ETS1: variants seen among roughly 807,000 people sequenced by gnomAD.
The protein encoded by ETS1 is protein C-ets-1.
A neutral mutation model predicts 58.6 loss-of-function variants in ETS1; 15 were observed. The observed-to-expected ratio is 0.26, with a 90% CI of 0.17 to 0.39. The LOEUF (loss-of-function observed/expected upper bound fraction) is 0.39. Among genes scored for constraint, ETS1 ranks in the 10% least tolerant of loss-of-function variants. ETS1 has a pLI of 1.00. For synonymous variants in ETS1, 214 were observed against 218.2 expected (o/e 0.98, Z 0.17); for missense variants, 417 against 610.5 (o/e 0.68, Z 3.34).
intron 3 of ETS1, among the ~76,000 whole-genome samples, chr11:128,495,027 T>A (rs1259612740): frequency 1.3e-5 from 2 of 152,130 alleles, no homozygotes; most frequent in Non-Finnish European, 2.9e-5. Flanking sequence ...ACCTGAGAAA[T>A]GCTTTACAGT....
intron 3 of ETS1, among the ~76,000 whole-genome samples, chr11:128,497,402 C>T (rs1862972500): frequency 6.6e-6 from 1 of 152,334 alleles, no homozygotes; most frequent in East Asian, 1.9e-4. Context: ...GGTTTCAGGT[C>T]CTGCAGCCAG....
chr11:128,490,391 G>T (rs909166652), intron 4 of ETS1, 66 bp downstream of exon 4: 155 of 1,570,660 alleles, frequency 9.9e-5, no homozygotes, highest in Non-Finnish European at 1.3e-4. Flanking sequence ...CACACTCCAG[G>T]TGAGAAAATG....
intron 8 of ETS1, among the ~76,000 whole-genome samples, chr11:128,472,374 T>C (rs758516512): frequency 1.3e-5 from 2 of 152,152 alleles, no homozygotes; most frequent in East Asian, 3.9e-4. Flanking sequence ...AGGTGAGTCA[T>C]ACAAAAGACA....
At position 128,527,349 on chromosome 11, in the gene ETS1, A is replaced by G. The variant is rs1863819614; in HGVS notation, c.214+28942T>C. The G allele has an allele frequency of 2.3e-5, 4 of 173,918 alleles. No individual in the cohort carries two copies. In the South Asian group the frequency reaches 4.4e-4, roughly 19 times the overall value. The allele number at this position is 173,918 out of a possible 1,614,324, so 10.8% of individuals were successfully genotyped here. A position where few individuals can be genotyped will look rare whatever the true frequency, so the allele number is the denominator to read the frequency against. ...TGGCCTAATCCACAGACCAAGCGAC[A>G]TTTTAAAATCCAGCAGTTTAGACAC... On this transcript the variant is annotated intron_variant, in intron 3 of 9. Coordinates refer to ENST00000392668, the MANE Select transcript of ETS1 (RefSeq NM_001143820.2).
At chr11:128,571,727 TTAATAA>T (rs917867599) in intron 2 of ETS1, 1 of 151,660 alleles carries the variant, frequency 6.6e-6, no homozygotes, top group South Asian at 2.1e-4. Flanking sequence ...CTGGGAAAAG[TTAATAA>T]TAATAATAAT....
At chr11:128,485,982 C>T (rs1862619539) in intron 6 of ETS1, 87 bp downstream of exon 6, 2 of 774,208 alleles carry the variant, frequency 2.6e-6, no homozygotes, top group African/African-American at 3.5e-5. Context: ...GATAGAATTA[C>T]CATGAAGGAG....
chr11:128,548,019 G>A (rs1267112538), intron 3 of ETS1, among the ~76,000 whole-genome samples: 2 of 150,992 alleles, frequency 1.3e-5, no homozygotes, highest in African/African-American at 4.9e-5. Flanking sequence ...ACAGCAGTCA[G>A]GGAACAAGAC....
chr11:128,489,191 C>G lies in ETS1; in HGVS notation c.535+99G>C. The G allele has an allele frequency of 5.1e-6, 5 of 978,368 alleles. No homozygotes were observed. The South Asian group carries it at 5.6e-5, about 11-fold the overall frequency. 60.6% of individuals were successfully genotyped at this position (978,368 alleles called of 1,614,324 possible). On this transcript the variant is annotated intron_variant, in intron 5 of 9. Transcript: ENST00000392668. The stretch of plus-strand genomic sequence containing the variant: ...CATACGTCCTACAGTAGGACACCCA[C>G]AGATAAAGGCATTGACGTCCCACCA...
intron 8 of ETS1, among the ~76,000 whole-genome samples, chr11:128,479,108 T>A (rs2135438608): frequency 6.6e-6 from 1 of 152,276 alleles, no homozygotes; most frequent in South Asian, 2.1e-4. Flanking sequence ...AGCATTTGAG[T>A]TGTTCTCAAA....
chr11:128,507,775 C>G (rs1460785854), intron 3 of ETS1, among the ~76,000 whole-genome samples: 1 of 152,148 alleles, frequency 6.6e-6, no homozygotes, highest in East Asian at 1.9e-4. Context: ...CTGGACCTTC[C>G]CGGCAGCAGC....
chr11:128,496,373 C>A (rs1165193069), intron 3 of ETS1, among the ~76,000 whole-genome samples: 1 of 151,968 alleles, frequency 6.6e-6, no homozygotes, highest in Admixed American at 6.6e-5. Flanking sequence ...TAATGGTCAA[C>A]ATCCTCATGA....
At chr11:128,481,484 C>T (rs1051214203) in intron 7 of ETS1, among the ~76,000 whole-genome samples, 13 of 151,842 alleles carry the variant, frequency 8.6e-5, no homozygotes, top group African/African-American at 1.7e-4. Flanking sequence ...GAAAAAGGCT[C>T]GCAGGAATGG....
chr11:128,566,880 G>A (rs1864513913), intron 2 of ETS1, among the ~76,000 whole-genome samples: 1 of 152,104 alleles, frequency 6.6e-6, no homozygotes, highest in African/African-American at 2.4e-5. Context: ...ATTTGGCTGG[G>A]ACCCATTCCA....
chr11:128,525,965 T>A (rs927939278), intron 3 of ETS1, among the ~76,000 whole-genome samples: 1 of 152,184 alleles, frequency 6.6e-6, no homozygotes, highest in East Asian at 1.9e-4. Context: ...CAGATGGTAC[T>A]GTTGCTGACT....
At chr11:128,524,688 C>T (rs559593827) in intron 3 of ETS1, among the ~76,000 whole-genome samples, 5 of 152,200 alleles carry the variant, frequency 3.3e-5, no homozygotes, top group Non-Finnish European at 5.9e-5. Flanking sequence ...TGTTATCATA[C>T]GCTAAAACAT....
At chr11:128,492,200 G>A (rs375492643) in intron 3 of ETS1, among the ~76,000 whole-genome samples, 1 of 152,132 alleles carries the variant, frequency 6.6e-6, no homozygotes, top group Non-Finnish European at 1.5e-5. Flanking sequence ...TCTTCAACTG[G>A]CCATTTCTAA....
intron 3 of ETS1, among the ~76,000 whole-genome samples, chr11:128,556,059 G>A (rs1299925526): frequency 6.6e-6 from 1 of 152,238 alleles, no homozygotes; most frequent in Non-Finnish European, 1.5e-5. Flanking sequence ...CTATTTGCAA[G>A]GTGAAGACCT....
chr11:128,562,767 G>A (rs1411264098), intron 2 of ETS1, among the ~76,000 whole-genome samples: 3 of 152,172 alleles, frequency 2.0e-5, no homozygotes, highest in Non-Finnish European at 2.9e-5. Flanking sequence ...TCATTGGTTT[G>A]TGACCCTTCC....
chr11:128,538,486 C>T (rs1864003784), intron 3 of ETS1, among the ~76,000 whole-genome samples: 1 of 152,062 alleles, frequency 6.6e-6, no homozygotes, highest in Non-Finnish European at 1.5e-5. Context: ...TGTTTCATAC[C>T]AGGCTACAGA....
Sources: gnomAD v4.1 joint callset for allele counts (sites outside exome capture counted in the v4.1 genomes callset) on GRCh38, gnomAD v4.1.1 for gene constraint, MANE v1.5 for transcripts, NCBI Gene and HGNC (gene_info 2026-07-23, HGNC 2026-07-21) for gene names.